Variants in PCDH15 observed in about 807,000 individuals in gnomAD.
PCDH15 encodes the protein protocadherin related 15, also known as protocadherin-15.
A neutral mutation model predicts 178.5 loss-of-function variants in PCDH15; 129 were observed. The observed-to-expected ratio is 0.72, with a 90% CI of 0.63 to 0.84. The LOEUF is 0.84. Ranked by LOEUF, PCDH15 falls within the 40% of genes least tolerant of loss-of-function variation. The pLI, the probability that PCDH15 is intolerant of heterozygous loss-of-function variation, is 0.00. For missense variants in PCDH15, 2,230 were observed against 2,099.9 expected, an observed-to-expected ratio of 1.06 and a Z score of -1.21; for synonymous variants, 800 against 732.0, an observed-to-expected ratio of 1.09 and a Z score of -1.50.
intron 2 of PCDH15, among the ~76,000 whole-genome samples, chr10:54,590,463 G>A (rs2091809922): frequency 6.6e-6 from 1 of 152,072 alleles, no homozygotes; most frequent in African/African-American, 2.4e-5. Flanking sequence ...TATATAAATG[G>A]TTATTTAGAA....
intron 3 of PCDH15, among the ~76,000 whole-genome samples, chr10:54,518,779 T>C (rs1250312370): frequency 1.3e-5 from 2 of 152,142 alleles, no homozygotes; most frequent in South Asian, 2.1e-4. Context: ...TTTAGACCAA[T>C]ATCCTTGATG....
intron 3 of PCDH15, among the ~76,000 whole-genome samples, chr10:54,823,640 C>T (rs1372808212): frequency 6.6e-6 from 1 of 152,048 alleles, no homozygotes; most frequent in East Asian, 1.9e-4. Context: ...AATGGCTATA[C>T]TGTATTGCTG....
At chr10:54,072,466 T>C (rs556124455) in intron 17 of PCDH15, among the ~76,000 whole-genome samples, 1 of 151,948 alleles carries the variant, frequency 6.6e-6, no homozygotes, top group African/African-American at 2.4e-5. Flanking sequence ...AAAATATACA[T>C]AAAATCTAGA....
At chr10:55,020,321 T>G (rs1840291327) in intron 2 of PCDH15, among the ~76,000 whole-genome samples, 2 of 151,356 alleles carry the variant, frequency 1.3e-5, no homozygotes, top group South Asian at 4.2e-4. Context: ...TAATAGTAAT[T>G]AATTGAAACA....
intron 2 of PCDH15, among the ~76,000 whole-genome samples, chr10:55,402,213 T>A (rs1040049330): frequency 6.6e-6 from 1 of 152,062 alleles, no homozygotes; most frequent in Non-Finnish European, 1.5e-5. Flanking sequence ...GGAAGAAACT[T>A]CTGATTTATT....
chr10:54,734,980 T>A (rs1295101975), intron 1 of PCDH15, among the ~76,000 whole-genome samples: 1 of 152,016 alleles, frequency 6.6e-6, no homozygotes, highest in Non-Finnish European at 1.5e-5. Context: ...ATATAATATT[T>A]CATACCCTAA....
At chr10:54,301,855 A>G (rs564757792) in intron 8 of PCDH15, among the ~76,000 whole-genome samples, 3 of 152,294 alleles carry the variant, frequency 2.0e-5, no homozygotes, top group East Asian at 1.9e-4. Flanking sequence ...CACCACATCT[A>G]TAAGAGCTAA....
intron 26 of PCDH15, among the ~76,000 whole-genome samples, chr10:53,877,295 C>T (rs1589211834): frequency 6.6e-6 from 1 of 152,166 alleles, no homozygotes; most frequent in East Asian, 1.9e-4. Context: ...GCTAATTGTT[C>T]TAACTTTTCA....
intron 1 of PCDH15, among the ~76,000 whole-genome samples, chr10:54,702,665 T>G (rs2095322325): frequency 1.3e-5 from 2 of 151,698 alleles, no homozygotes; most frequent in Non-Finnish European, 2.9e-5. Flanking sequence ...AGGAAGAAAT[T>G]GCAACCCTGA....
Position 53,804,444 on chromosome 10 carries a change from GCTT to G in PCDH15, c.*2132_*2134del, listed in dbSNP as rs1293337750. 5.3e-5 allele frequency: 8 copies of G among 151,812 alleles called. No individual in the cohort carries two copies. Among genetic ancestry groups the G allele is most frequent in the Admixed American group, 6.6e-5 (1 of 15,210 alleles). The allele number at this position is 151,812 out of a possible 1,614,324, so 9.4% of individuals were successfully genotyped here. ...TCCGTGTACCTAATTCCCATCTTAA[GCTT>G]CATGATTTTTCAACATTAAGAAAAC... On this transcript the variant is annotated 3_prime_UTR_variant, in exon 38 of 38. Transcript: ENST00000644397.
intron 1 of PCDH15, among the ~76,000 whole-genome samples, chr10:55,230,254 TG>T (rs1381713542): frequency 6.6e-6 from 1 of 152,068 alleles, no homozygotes; most frequent in Non-Finnish European, 1.5e-5. Context: ...AATTAGGAGT[TG>T]CAATATTATT....
At chr10:54,836,506 G>A (rs1409802314) in intron 3 of PCDH15, among the ~76,000 whole-genome samples, 1 of 152,002 alleles carries the variant, frequency 6.6e-6, no homozygotes, top group Admixed American at 6.6e-5. Context: ...TTGTTACACA[G>A]TTGTAATAAC....
chr10:55,094,900 C>T (rs148279061), intron 2 of PCDH15, among the ~76,000 whole-genome samples: 25 of 149,308 alleles, frequency 1.7e-4, no homozygotes, highest in Admixed American at 2.7e-4. Context: ...GATGAAAACA[C>T]ACCAAAAAAC....
At chr10:55,021,566 CTT>C (rs768378919) in intron 2 of PCDH15, among the ~76,000 whole-genome samples, 143 of 152,272 alleles carry the variant, frequency 9.4e-4, no homozygotes, top group Non-Finnish European at 5.4e-4. Flanking sequence ...AGAAGTGAGT[CTT>C]GACCTTTAGA....
chr10:55,562,875 A>G (rs1842228504), intron 2 of PCDH15, among the ~76,000 whole-genome samples: 1 of 152,052 alleles, frequency 6.6e-6, no homozygotes, highest in African/African-American at 2.4e-5. Flanking sequence ...CTTTACACAT[A>G]AGTAATAATT....
chr10:53,970,048 A>G (rs368802531), intron 21 of PCDH15, among the ~76,000 whole-genome samples: 5 of 152,332 alleles, frequency 3.3e-5, no homozygotes, highest in East Asian at 3.9e-4. Flanking sequence ...TGCTCCAATT[A>G]AAAGACACAG....
At chr10:55,123,725 A>C (rs1331005570) in intron 2 of PCDH15, among the ~76,000 whole-genome samples, 1 of 152,140 alleles carries the variant, frequency 6.6e-6, no homozygotes, top group East Asian at 1.9e-4. Flanking sequence ...CCATAGAAAC[A>C]CATATGGAAC....
chr10:53,905,232 T>C (rs1410647176), intron 25 of PCDH15: 1 of 518,948 alleles, frequency 1.9e-6, no homozygotes, highest in South Asian at 1.4e-5. Flanking sequence ...GTCGTGTCTT[T>C]CTAATGTGTC....
intron 1 of PCDH15, among the ~76,000 whole-genome samples, chr10:55,191,329 A>G (rs938820035): frequency 6.6e-6 from 1 of 151,786 alleles, no homozygotes; most frequent in African/African-American, 2.4e-5. Context: ...TACCTATATT[A>G]TTCACTTACA....
Sources: allele counts gnomAD v4.1 joint callset (sites outside exome capture counted in the v4.1 genomes callset), GRCh38; gene constraint gnomAD v4.1.1; transcripts MANE v1.5; gene names NCBI Gene and HGNC (gene_info 2026-07-23, HGNC 2026-07-21).